Variants in CA10 observed in about 807,000 individuals in gnomAD.
CA10 encodes the protein carbonic anhydrase 10 (inactive).
In CA10, 14 loss-of-function variants were observed where a neutral mutation model predicts 44.2. The observed-to-expected ratio is 0.32, with a 90% CI of 0.21 to 0.50. CA10 has a LOEUF of 0.50. CA10 is among the 20% of genes least tolerant of loss of function. CA10 has a pLI of 0.99. For synonymous variants in CA10, 159 were observed against 141.6 expected (o/e 1.12, Z -0.87); for missense variants, 350 against 409.7 (o/e 0.85, Z 1.26).
intron 4 of CA10, among the ~76,000 whole-genome samples, chr17:51,690,327 T>G (rs1433292365): frequency 6.6e-6 from 1 of 152,206 alleles, no homozygotes; most frequent in African/African-American, 2.4e-5. Flanking sequence ...ATTGAAATTA[T>G]TCTAACTACA....
Position 51,679,264 on chromosome 17 carries a change from C to T in CA10, c.466-25528G>A, listed in dbSNP as rs373334302. On this transcript the variant is annotated intron_variant, in intron 4 of 8. Coordinates refer to ENST00000451037, the MANE Select transcript of CA10 (RefSeq NM_020178.5). The stretch of plus-strand genomic sequence containing the variant: ...AGGGTCTGAGACTGTTTTTCTTTCT[C>T]TTTTTTTTTTTTTGGGATGGAGTCT... Among the ~76,000 whole-genome samples, 34 of 136,300 alleles carry T rather than the reference C, an allele frequency of 2.5e-4. 1 individual carries two copies. Among genetic ancestry groups the T allele is most frequent in the African/African-American group, 6.9e-4 (27 of 38,916 alleles). 89.4% of individuals were successfully genotyped at this position (136,300 alleles called of 152,430 possible). A position where few individuals can be genotyped will look rare whatever the true frequency, so the allele number is the denominator to read the frequency against.
intron 2 of CA10, among the ~76,000 whole-genome samples, chr17:52,068,765 T>G (rs907366571): frequency 1.3e-5 from 2 of 152,276 alleles, no homozygotes; most frequent in Non-Finnish European, 2.9e-5. Context: ...TTTTGCCATC[T>G]TAGTGTGTCT....
chr17:52,105,456 C>CTCTCTA (rs1567734992), intron 1 of CA10, among the ~76,000 whole-genome samples: 8 of 152,042 alleles, frequency 5.3e-5, no homozygotes, highest in Non-Finnish European at 8.8e-5. Context: ...GGGGTTTCAC[C>CTCTCTA]GTGTTAGCCA....
chr17:52,018,972 C>T (rs11655087), intron 2 of CA10, among the ~76,000 whole-genome samples: 149,495 of 152,078 alleles, frequency 0.98, 73,516 homozygotes, highest in East Asian at 1. Context: ...TAAAAGAGAC[C>T]GACACTCCTT....
intron 3 of CA10, among the ~76,000 whole-genome samples, chr17:51,796,828 C>T (rs1428091088): frequency 6.6e-6 from 1 of 152,182 alleles, no homozygotes; most frequent in African/African-American, 2.4e-5. Context: ...AGACCACCCA[C>T]AAGGCCTGGA....
chr17:51,704,015 A>G (rs1915683161), intron 4 of CA10, among the ~76,000 whole-genome samples: 1 of 152,150 alleles, frequency 6.6e-6, no homozygotes, highest in Non-Finnish European at 1.5e-5. Context: ...AAAGGTTATG[A>G]AGTATGGTTT....
intron 6 of CA10, among the ~76,000 whole-genome samples, chr17:51,647,960 G>A (rs1055483438): frequency 8.5e-5 from 13 of 152,138 alleles, no homozygotes; most frequent in African/African-American, 3.1e-4. Flanking sequence ...AGCCCTACCA[G>A]TCTCCCAGCC....
At chr17:51,813,675 A>T (rs1907458818) in intron 3 of CA10, among the ~76,000 whole-genome samples, 4 of 152,198 alleles carry the variant, frequency 2.6e-5, no homozygotes, top group African/African-American at 9.6e-5. Context: ...TTCTCGATAA[A>T]GCTGTGTGCA....
chr17:51,929,689 G>A (rs1003795035), intron 3 of CA10, among the ~76,000 whole-genome samples: 9 of 81,588 alleles, frequency 1.1e-4, no homozygotes, highest in Non-Finnish European at 2.7e-4. Context: ...ACGTGTTCAC[G>A]ACTTTAAATA....
intron 2 of CA10, among the ~76,000 whole-genome samples, chr17:51,952,198 C>T (rs993015825): frequency 1.3e-5 from 2 of 152,196 alleles, no homozygotes; most frequent in Non-Finnish European, 2.9e-5. Flanking sequence ...AGTGGTATGA[C>T]TCTCCAATGT....
intron 2 of CA10, among the ~76,000 whole-genome samples, chr17:51,992,477 AAAACTTGTAAAGT>A (rs1373359458): frequency 1.3e-5 from 2 of 152,162 alleles, no homozygotes; most frequent in African/African-American, 4.8e-5. Context: ...GGAAGTACAC[AAAACTTGTAAAGT>A]AAATACATGC....
intron 1 of CA10, among the ~76,000 whole-genome samples, chr17:52,150,153 T>C (rs1248422093): frequency 6.6e-6 from 1 of 152,184 alleles, no homozygotes; most frequent in African/African-American, 2.4e-5. Context: ...CTGTTTCATA[T>C]GATCATCCAT....
Position 51,696,331 on chromosome 17 carries a change from T to C in CA10, c.466-42595A>G, listed in dbSNP as rs140328385. ...TTGGTTATAGGTTTTAAATTACTGA[T>C]TCAATTTTGGAACTTAATATTGGTC... On this transcript the variant is annotated intron_variant, in intron 4 of 8. Transcript: ENST00000451037. Among the ~76,000 whole-genome samples, 509 of 152,262 alleles carry C rather than the reference T, an allele frequency of 3.3e-3. 2 individuals carry two copies. The highest frequency in any genetic ancestry group is 0.011 in the African/African-American group (440 of 41,552).
rs191551355 is a variant in CA10 at position 51,944,305 on chromosome 17, C to T, written c.137-13173G>A. On this transcript the variant is annotated intron_variant, in intron 2 of 8. Transcript: ENST00000451037. ...TGGAATTAAGAATATGTTTATCAGA[C>T]ATGGGGCCATGAAGTTTTAACCGGT... Among the ~76,000 whole-genome samples the T allele has an allele frequency of 3.3e-5, 5 of 152,248 alleles. No individual in the cohort carries two copies. The East Asian group carries it at 5.8e-4, about 18-fold the overall frequency.
chr17:51,845,136 G>T (rs975278510), intron 3 of CA10, among the ~76,000 whole-genome samples: 3 of 152,202 alleles, frequency 2.0e-5, no homozygotes, highest in African/African-American at 7.2e-5. Context: ...GCACAGCTCT[G>T]CTGACATCTT....
intron 2 of CA10, among the ~76,000 whole-genome samples, chr17:51,976,525 T>C (rs1399563309): frequency 6.6e-6 from 1 of 152,104 alleles, no homozygotes; most frequent in East Asian, 1.9e-4. Context: ...GGAAGCCCAA[T>C]GGAAATTTTT....
chr17:51,838,103 T>G (rs1978293110), intron 3 of CA10, among the ~76,000 whole-genome samples: 1 of 152,196 alleles, frequency 6.6e-6, no homozygotes, highest in African/African-American at 2.4e-5. Flanking sequence ...TCATCTTACA[T>G]TCTTCCACTA....
chr17:51,770,015 G>T (rs746572972), intron 3 of CA10, among the ~76,000 whole-genome samples: 1 of 152,028 alleles, frequency 6.6e-6, no homozygotes, highest in African/African-American at 2.4e-5. Flanking sequence ...GTGTAGAAAG[G>T]CTAGACAGGA....
intron 4 of CA10, among the ~76,000 whole-genome samples, chr17:51,711,639 A>G (rs1915945613): frequency 6.6e-6 from 1 of 152,202 alleles, no homozygotes. Flanking sequence ...GAAAAGGGGA[A>G]GGAGGAAAGC....
Sources: allele counts gnomAD v4.1 joint callset (sites outside exome capture counted in the v4.1 genomes callset), GRCh38; gene constraint gnomAD v4.1.1; transcripts MANE v1.5; gene names NCBI Gene and HGNC (gene_info 2026-07-23, HGNC 2026-07-21).